The following TBC1D5 variants were observed in gnomAD, a reference collection of about 807,000 sequenced individuals.
TBC1D5 encodes the protein TBC1 domain family member 5, also known as TBC1 domain family, member 5.
TBC1D5 carries 75 observed loss-of-function variants against 100.3 expected under a neutral mutation model. The observed-to-expected ratio is 0.75, with a 90% CI of 0.62 to 0.91. TBC1D5 has a LOEUF of 0.91. Ranked by LOEUF, TBC1D5 falls within the 40% of genes least tolerant of loss-of-function variation. TBC1D5 has a pLI of 0.00. For missense variants in TBC1D5, 910 were observed against 942.4 expected (o/e 0.97, Z 0.45); for synonymous variants, 323 against 325.6 (o/e 0.99, Z 0.09).
At chr3:17,715,730 A>C in intron 1 of TBC1D5, among the ~76,000 whole-genome samples, 1 of 151,836 alleles carries the variant, frequency 6.6e-6, no homozygotes, top group Non-Finnish European at 1.5e-5. Context: ...TGAGCCCACG[A>C]GTTTGAAATT....
rs1158709652 is a variant in TBC1D5 at position 17,691,784 on chromosome 3, T to C, written c.-101+47559A>G. 4.1e-5 allele frequency among the ~76,000 whole-genome samples: 6 copies of C among 147,278 alleles called. No individual in the cohort carries two copies. In the Admixed American group the frequency reaches 4.1e-4, roughly 10 times the overall value. On this transcript the variant is annotated intron_variant, in intron 1 of 21. Transcript: ENST00000253692. ...GTGAGCCGAGATCGAGCCACTGCAC[T>C]CCAGCCAGGCAGCCTGGCAACAGAG...
At chr3:17,204,355 G>A (rs190311877) in intron 18 of TBC1D5, among the ~76,000 whole-genome samples, 8 of 152,298 alleles carry the variant, frequency 5.3e-5, no homozygotes, top group African/African-American at 1.9e-4. Flanking sequence ...AGGCAATGTG[G>A]CACTGAAAGA....
chr3:17,208,634 C>T (rs1047866508), intron 18 of TBC1D5, among the ~76,000 whole-genome samples: 16 of 152,208 alleles, frequency 1.1e-4, no homozygotes, highest in African/African-American at 3.6e-4. Flanking sequence ...TACTTGCATT[C>T]TGTCTCTTGG....
At chr3:17,542,602 A>G (rs899050697) in intron 2 of TBC1D5, among the ~76,000 whole-genome samples, 1 of 152,254 alleles carries the variant, frequency 6.6e-6, no homozygotes, top group Admixed American at 6.5e-5. Flanking sequence ...AGAAACTACA[A>G]TATAAATTTT....
intron 14 of TBC1D5, among the ~76,000 whole-genome samples, chr3:17,293,065 A>G (rs2081921801): frequency 6.6e-6 from 1 of 152,170 alleles, no homozygotes; most frequent in Non-Finnish European, 1.5e-5. Context: ...CAAAATGAAT[A>G]ATTATAATCT....
chr3:17,256,907 G>A (rs1045467769), intron 16 of TBC1D5, among the ~76,000 whole-genome samples: 6 of 152,106 alleles, frequency 3.9e-5, no homozygotes, highest in African/African-American at 1.4e-4. Context: ...GGAAGATGGG[G>A]GTGGCAGAAG....
At chr3:17,587,010 GA>G (rs1462993405) in intron 2 of TBC1D5, among the ~76,000 whole-genome samples, 2 of 151,930 alleles carry the variant, frequency 1.3e-5, no homozygotes, top group Non-Finnish European at 1.5e-5. Flanking sequence ...AAATTCCATT[GA>G]AAATGGATTC....
chr3:17,626,535 A>C (rs376611352), intron 1 of TBC1D5, among the ~76,000 whole-genome samples: 17 of 152,354 alleles, frequency 1.1e-4, no homozygotes, highest in African/African-American at 4.1e-4. Flanking sequence ...AAAAGCAAGT[A>C]ATAGTACAAA....
intron 2 of TBC1D5, among the ~76,000 whole-genome samples, chr3:17,609,956 C>G (rs2153614877): frequency 6.6e-6 from 1 of 152,320 alleles, no homozygotes; most frequent in African/African-American, 2.4e-5. Flanking sequence ...TCCCCAAAAC[C>G]TTTACTCTAC....
Position 17,737,825 on chromosome 3 carries a change from CA to C in TBC1D5, c.-101+1517del, listed in dbSNP as rs11374153. 1.3e-3 allele frequency among the ~76,000 whole-genome samples: 192 copies of C among 144,194 alleles called. 2 individuals are homozygous for C. The South Asian group carries it at 0.019, about 14-fold the overall frequency. 94.6% of individuals were successfully genotyped at this position (144,194 alleles called of 152,430 possible). A position where few individuals can be genotyped will look rare whatever the true frequency, so the allele number is the denominator to read the frequency against. On this transcript the variant is annotated intron_variant, in intron 1 of 21. Coordinates refer to ENST00000253692, the Ensembl canonical transcript of TBC1D5. ...CAAAACTTTTAAGACTATTTTGTTT[CA>C]AAAAAAAAAAAACCCAGTTAACATC...
intron 15 of TBC1D5, among the ~76,000 whole-genome samples, chr3:17,265,598 A>C (rs1421949798): frequency 6.6e-6 from 1 of 152,106 alleles, no homozygotes; most frequent in African/African-American, 2.4e-5. Context: ...GCTCTGGGGG[A>C]ATTTCTCAGG....
chr3:17,581,943 A>G (rs2096700618), intron 2 of TBC1D5, among the ~76,000 whole-genome samples: 1 of 152,090 alleles, frequency 6.6e-6, no homozygotes, highest in Non-Finnish European at 1.5e-5. Flanking sequence ...GTACTTCGTG[A>G]TCCTTCACCT....
chr3:17,363,807 C>T (rs1355694386), intron 13 of TBC1D5, among the ~76,000 whole-genome samples: 1 of 151,822 alleles, frequency 6.6e-6, no homozygotes, highest in African/African-American at 2.4e-5. Context: ...TACTGTTCTA[C>T]TTAATGGATT....
intron 3 of TBC1D5, among the ~76,000 whole-genome samples, chr3:17,451,733 T>C (rs1186283325): frequency 1.3e-5 from 2 of 152,142 alleles, no homozygotes; most frequent in East Asian, 3.9e-4. Context: ...GTAACAAACC[T>C]GCATATTCTG....
chr3:17,308,198 C>T (rs879098328), intron 13 of TBC1D5, 64 bp from the exon 14 acceptor site: 3 of 1,445,494 alleles, frequency 2.1e-6, no homozygotes, highest in Non-Finnish European at 9.1e-7. Context: ...TGATCATTTT[C>T]TCAAGTAACT....
At chr3:17,195,358 G>A (rs564578056) in intron 18 of TBC1D5, among the ~76,000 whole-genome samples, 25 of 152,256 alleles carry the variant, frequency 1.6e-4, no homozygotes, top group South Asian at 1.5e-3. Context: ...CCACTTACAC[G>A]TGATAAGACC....
intron 9 of TBC1D5, among the ~76,000 whole-genome samples, chr3:17,383,151 C>T (rs1345752175): frequency 6.6e-6 from 1 of 151,802 alleles, no homozygotes; most frequent in Non-Finnish European, 1.5e-5. Context: ...AAATACACTG[C>T]TTTTACCATT....
chr3:17,739,383 A>C (rs1478580483), exon 1 of TBC1D5: 3 of 152,192 alleles, frequency 2.0e-5, no homozygotes, highest in Non-Finnish European at 4.4e-5. Context: ...TCAGCGTTAA[A>C]ATGTGATAAT....
intron 13 of TBC1D5, among the ~76,000 whole-genome samples, chr3:17,354,770 T>C (rs1485165002): frequency 6.7e-6 from 1 of 148,708 alleles, no homozygotes; most frequent in Non-Finnish European, 1.5e-5. Context: ...TATCATTTTG[T>C]TTCCTAGAAG....
Sources: allele counts gnomAD v4.1 joint callset (sites outside exome capture counted in the v4.1 genomes callset), GRCh38; gene constraint gnomAD v4.1.1; transcripts MANE v1.5; gene names NCBI Gene and HGNC (gene_info 2026-07-23, HGNC 2026-07-21).